The following WWC2 variants were observed in gnomAD, a reference collection of about 807,000 sequenced individuals.
The protein encoded by WWC2 is WW and C2 domain containing 2, also known as protein WWC2.
Under a neutral mutation model 138.5 loss-of-function variants are expected in WWC2, and 101 were observed. The observed-to-expected ratio is 0.73, with a 90% confidence interval of 0.62 to 0.86. WWC2 has a LOEUF of 0.86. Ranked by LOEUF, WWC2 falls within the 40% of genes least tolerant of loss-of-function variation. The probability of loss-of-function intolerance (pLI) is 0.00; values close to 1 mark genes in which losing one functional copy is unlikely to be tolerated. For missense variants in WWC2, 1,420 were observed against 1,419.4 expected, an observed-to-expected ratio of 1.00 and a Z score of -0.01; for synonymous variants, 558 against 538.4, an observed-to-expected ratio of 1.04 and a Z score of -0.50.
At chr4:183,293,424 A>G (rs960420549) in intron 21 of WWC2, among the ~76,000 whole-genome samples, 2 of 152,238 alleles carry the variant, frequency 1.3e-5, no homozygotes, top group African/African-American at 4.8e-5. Context: ...GTATTGAGAA[A>G]AGTCAGTGCT....
intron 8 of WWC2, among the ~76,000 whole-genome samples, chr4:183,252,064 A>G (rs1369119719): frequency 1.3e-5 from 2 of 152,210 alleles, no homozygotes; most frequent in Non-Finnish European, 2.9e-5. Context: ...TACACTGCAT[A>G]CACCGTGCCA....
intron 9 of WWC2, among the ~76,000 whole-genome samples, chr4:183,254,347 A>G (rs897186812): frequency 1.3e-5 from 2 of 152,212 alleles, no homozygotes; most frequent in East Asian, 1.9e-4. Flanking sequence ...GAAGCTTCCT[A>G]TTCTGGGTTT....
intron 22 of WWC2, among the ~76,000 whole-genome samples, chr4:183,315,306 T>G (rs1272827139): frequency 6.6e-6 from 1 of 152,202 alleles, no homozygotes; most frequent in East Asian, 1.9e-4. Context: ...ACTGAGAAGT[T>G]TCCAGGTAGG....
At chr4:183,253,617 C>A in intron 8 of WWC2, 140 bp from the exon 9 acceptor site, 1 of 998,944 alleles carries the variant, frequency 1.0e-6, no homozygotes, top group Non-Finnish European at 1.4e-6. Flanking sequence ...GGCCTCTCAC[C>A]AGTAGACCAC....
At chr4:183,314,511 G>A (rs1739369721) in intron 22 of WWC2, among the ~76,000 whole-genome samples, 1 of 152,210 alleles carries the variant, frequency 6.6e-6, no homozygotes, top group African/African-American at 2.4e-5. Context: ...CCTGGCCTGG[G>A]GTGGTGAGAT....
intron 1 of WWC2, among the ~76,000 whole-genome samples, chr4:183,192,226 C>CT (rs1349630942): frequency 6.6e-6 from 1 of 152,144 alleles, no homozygotes; most frequent in Non-Finnish European, 1.5e-5. Flanking sequence ...AAGTTAATTC[C>CT]TTTTTATCCT....
At chr4:183,225,232 A>G (rs1374744806) in intron 4 of WWC2, among the ~76,000 whole-genome samples, 1 of 152,274 alleles carries the variant, frequency 6.6e-6, no homozygotes, top group African/African-American at 2.4e-5. Context: ...TTTAAAATAC[A>G]TACATTACCA....
At chr4:183,277,940 T>C (rs1367499004) in intron 16 of WWC2, among the ~76,000 whole-genome samples, 2 of 151,372 alleles carry the variant, frequency 1.3e-5, no homozygotes, top group African/African-American at 4.8e-5. Flanking sequence ...CTGTTCACTC[T>C]GATGGTAGTT....
At chr4:183,212,948 G>A (rs1735648013) in intron 4 of WWC2, among the ~76,000 whole-genome samples, 1 of 152,168 alleles carries the variant, frequency 6.6e-6, no homozygotes, top group Non-Finnish European at 1.5e-5. Context: ...CCACAAAGAT[G>A]AGTCGGAGAG....
chr4:183,218,259 A>T (rs1455392878), intron 4 of WWC2, among the ~76,000 whole-genome samples: 1 of 152,196 alleles, frequency 6.6e-6, no homozygotes, highest in African/African-American at 2.4e-5. Flanking sequence ...GCATATGAAA[A>T]GATGATAAAC....
At chr4:183,118,577 C>CT (rs1263805639) in intron 1 of WWC2, among the ~76,000 whole-genome samples, 1 of 152,164 alleles carries the variant, frequency 6.6e-6, no homozygotes, top group Non-Finnish European at 1.5e-5. Context: ...TTAAAATTAA[C>CT]TTTTTTAGAA....
At chr4:183,106,017 T>G (rs2152886392) in intron 1 of WWC2, among the ~76,000 whole-genome samples, 1 of 151,882 alleles carries the variant, frequency 6.6e-6, no homozygotes, top group Admixed American at 6.6e-5. Flanking sequence ...TTTATTCTTG[T>G]TGCCCAGGCT....
chr4:183,225,383 C>T lies in WWC2; in HGVS notation c.523-14800C>T, dbSNP rs887576995. Among the ~76,000 whole-genome samples the T allele has an allele frequency of 4.6e-5, 7 of 152,204 alleles. No individual in the cohort carries two copies. The East Asian group carries it at 1.2e-3, about 25-fold the overall frequency. ...ATGATTAGAATAAAACTGGATTATTCAGTGAATGTGTAAGGATATCTCTTT... is the reference window on the plus strand; with the variant it reads ...ATGATTAGAATAAAACTGGATTATTTAGTGAATGTGTAAGGATATCTCTTT... On this transcript the variant is annotated intron_variant, in intron 4 of 22. Coordinates refer to ENST00000403733, the MANE Select transcript of WWC2 (RefSeq NM_024949.6).
At chr4:183,280,242 T>TTG (rs1560883814) in intron 16 of WWC2, among the ~76,000 whole-genome samples, 11 of 148,178 alleles carry the variant, frequency 7.4e-5, no homozygotes, top group African/African-American at 2.0e-4. Context: ...TTTTTTTTTT[T>TTG]TTTTTTTTTT....
At chr4:183,113,523 CGT>C (rs1286046314) in intron 1 of WWC2, among the ~76,000 whole-genome samples, 2,793 of 144,522 alleles carry the variant, frequency 0.019, 83 homozygotes, top group African/African-American at 0.066. Flanking sequence ...TGTGCGCGCG[CGT>C]GCGCGCGCAC....
At chr4:183,271,405 TA>T (rs892226870) in intron 16 of WWC2, among the ~76,000 whole-genome samples, 164 bp downstream of exon 16, 7 of 151,284 alleles carry the variant, frequency 4.6e-5, no homozygotes, top group South Asian at 2.1e-4. Context: ...CCCAGCTTCC[TA>T]AAAAAAAAGA....
chr4:183,303,468 C>G (rs921342578), intron 21 of WWC2, among the ~76,000 whole-genome samples: 1 of 152,196 alleles, frequency 6.6e-6, no homozygotes, highest in Non-Finnish European at 1.5e-5. Context: ...GAGTCAGTGC[C>G]TTGGGTGGAG....
At position 183,265,099 on chromosome 4, in the gene WWC2, C is replaced by A. The variant is rs148638637; in HGVS notation, c.2031C>A (p.Phe677Leu). 1 of 1,606,908 alleles carries A rather than the reference C, an allele frequency of 6.2e-7. No homozygotes were observed. The change falls in exon 12 of 23, where the codon TTC (phenylalanine) becomes TTA (leucine). Residue 677 changes from phenylalanine (F) to leucine (L), a missense_variant. Transcript: ENST00000403733. Reference sequence around the variant, plus strand: ...GAGACAGTGGGGTCTATGAAGCTTTCGTGAAACAGTAAGGATTCAGCAGGG... The same window carrying A: ...GAGACAGTGGGGTCTATGAAGCTTTAGTGAAACAGTAAGGATTCAGCAGGG... The part of the protein sequence containing the change: ...VAGDSGVYEA[F>L]VKQPSEMEDV...
At chr4:183,272,051 A>T (rs1375317956) in intron 16 of WWC2, among the ~76,000 whole-genome samples, 2 of 152,206 alleles carry the variant, frequency 1.3e-5, no homozygotes, top group Admixed American at 6.5e-5. Context: ...ACTTCAATGT[A>T]GTACTTCAAA....
Sources: allele counts gnomAD v4.1 joint callset (sites outside exome capture counted in the v4.1 genomes callset), GRCh38; gene constraint gnomAD v4.1.1; transcripts MANE v1.5; gene names NCBI Gene and HGNC (gene_info 2026-07-23, HGNC 2026-07-21).